The following RNF212 variants were observed in gnomAD, a reference collection of about 807,000 sequenced individuals.
The protein encoded by RNF212 is probable E3 SUMO-protein ligase RNF212.
Under a neutral mutation model 34.7 loss-of-function variants are expected in RNF212, and 33 were observed. The ratio of observed to expected loss-of-function variants is 0.95; its 90% CI spans 0.72 to 1.27. The LOEUF (loss-of-function observed/expected upper bound fraction) is 1.27. Among genes scored for constraint, RNF212 ranks in the 50% most tolerant of loss-of-function variants. The pLI is 0.00. For missense variants in RNF212, 377 were observed against 362.2 expected (o/e 1.04, Z -0.33); for synonymous variants, 140 against 136.1 (o/e 1.03, Z -0.20).
At chr4:1,077,185 G>A (rs564994223) in intron 8 of RNF212, among the ~76,000 whole-genome samples, 63 of 152,178 alleles carry the variant, frequency 4.1e-4, no homozygotes, top group African/African-American at 1.3e-3. Flanking sequence ...CCGAGATCTC[G>A]CCACTGCACT....
intron 2 of RNF212, chr4:1,101,638 C>T (rs1724003851): frequency 1.5e-5 from 3 of 202,268 alleles, no homozygotes; most frequent in African/African-American, 7.1e-5. Context: ...TCATCTGCTA[C>T]ATCGTCATCT....
At chr4:1,073,396 T>C (rs968061026) in intron 9 of RNF212, among the ~76,000 whole-genome samples, 3 of 152,116 alleles carry the variant, frequency 2.0e-5, no homozygotes, top group Admixed American at 6.5e-5. Context: ...CTCCTGTGAC[T>C]TGTTACACGG....
At chr4:1,059,302 C>G (rs1440928074) in intron 3 of RNF212, among the ~76,000 whole-genome samples, 1 of 152,344 alleles carries the variant, frequency 6.6e-6, no homozygotes, top group East Asian at 1.9e-4. Context: ...CTGCAGGTGA[C>G]CCTGAGAAGG....
intron 3 of RNF212, among the ~76,000 whole-genome samples, chr4:1,092,388 A>G (rs1457117690): frequency 3.9e-5 from 6 of 152,072 alleles, no homozygotes; most frequent in African/African-American, 1.4e-4. Flanking sequence ...GGAGCCTCAC[A>G]TGAGCTTGGG....
downstream of RNF212, among the ~76,000 whole-genome samples, chr4:1,067,837 C>CG (rs1430114401): frequency 6.9e-6 from 1 of 145,768 alleles, no homozygotes; most frequent in East Asian, 2.0e-4. Flanking sequence ...CACTGCACTC[C>CG]AGCCTGGGCG....
intron 2 of RNF212, among the ~76,000 whole-genome samples, chr4:1,104,758 C>G (rs529106355): frequency 2.0e-5 from 3 of 152,156 alleles, no homozygotes; most frequent in African/African-American, 7.2e-5. Flanking sequence ...CCCCTTCCCT[C>G]GGGTCCCGAT....
In RNF212 at chr4:1,097,663, T is replaced by A. The variant is rs149936894; in HGVS notation, c.172-824A>T. Among the ~76,000 whole-genome samples the A allele has an allele frequency of 1.8e-3, 270 of 152,152 alleles. 7 individuals are homozygous for A. In the South Asian group the frequency reaches 0.049, roughly 27 times the overall value. On this transcript the variant is annotated intron_variant, in intron 2 of 9. Transcript: ENST00000433731. ...ACAAGTGCCTTCAGGATGCCCTGCC[T>A]CACCTCCCTGCACCTCTGGCCTTCC...
At chr4:1,112,079 A>T (rs1725763678) in intron 1 of RNF212, among the ~76,000 whole-genome samples, 1 of 152,224 alleles carries the variant, frequency 6.6e-6, no homozygotes, top group Non-Finnish European at 1.5e-5. Flanking sequence ...GTGGCTGCAC[A>T]TGCCTGTAGC....
intron 3 of RNF212, among the ~76,000 whole-genome samples, chr4:1,064,051 A>C (rs1717928130): frequency 6.6e-6 from 1 of 152,318 alleles, no homozygotes; most frequent in African/African-American, 2.4e-5. Flanking sequence ...ACTGACTTCT[A>C]GCCAATCTTC....
chr4:1,069,585 C>G (rs1200047439), downstream of RNF212, among the ~76,000 whole-genome samples: 1 of 152,152 alleles, frequency 6.6e-6, no homozygotes, highest in African/African-American at 2.4e-5. Context: ...ATCACGTGAC[C>G]AAAGTGAAGA....
Position 1,072,928 on chromosome 4 carries a change from G to C in RNF212, c.840C>G (p.Pro280=). 6.2e-7 allele frequency: 1 copy of C among 1,613,750 alleles called. No individual in the cohort carries two copies. The highest frequency in any genetic ancestry group is 8.5e-7 in the Non-Finnish European group (1 of 1,179,736). ...AAAGAGGAAACACAACAGACACAGC[G>C]GGTGTTCTGAACGTGTCCAGGGTGC... ...AEGTLDTFRT[P]AVSVVFPLCQ... The change falls in exon 10 of 10, where the codon CCC becomes CCG. Residue 280 remains proline, a synonymous_variant. Transcript: ENST00000433731.
chr4:1,109,010 C>CTTTT lies in RNF212; in HGVS notation c.110-610_110-607dup, dbSNP rs71168810. ...GCCACTGTGCCTGGCCATAATTAGC[C>CTTTT]TTTTTTTTTTTTTTTGAGACAGAGT... is the stretch of plus-strand genomic sequence containing the variant. On this transcript the variant is annotated intron_variant, in intron 1 of 9. Coordinates refer to ENST00000433731, the MANE Select transcript of RNF212 (RefSeq NM_001131034.4). 2.5e-3 allele frequency among the ~76,000 whole-genome samples: 337 copies of CTTTT among 135,814 alleles called. 2 individuals are homozygous for CTTTT. Among genetic ancestry groups the CTTTT allele is most frequent in the African/African-American group, 4.0e-3 (148 of 36,728 alleles). 89.1% of individuals were successfully genotyped at this position (135,814 alleles called of 152,430 possible). A position where few individuals can be genotyped will look rare whatever the true frequency, so the allele number is the denominator to read the frequency against.
intron 5 of RNF212, among the ~76,000 whole-genome samples, chr4:1,084,387 T>C (rs1275578487): frequency 6.6e-6 from 1 of 152,152 alleles, no homozygotes; most frequent in Non-Finnish European, 1.5e-5. Flanking sequence ...GCAATGCGTT[T>C]ACAATCTTCT....
chr4:1,099,740 G>C, intron 2 of RNF212: 1 of 456,240 alleles, frequency 2.2e-6, no homozygotes, highest in Non-Finnish European at 4.4e-6. Flanking sequence ...CCTTTGCTGC[G>C]TCTGACGTCA....
At chr4:1,093,664 G>A in intron 3 of RNF212, 2 of 1,536,030 alleles carry the variant, frequency 1.3e-6, no homozygotes, top group Non-Finnish European at 8.7e-7. Context: ...GCAGCACTTG[G>A]CAAAACCACC....
At chr4:1,113,334 C>A (rs1577866902) in intron 1 of RNF212, 22 bp downstream of exon 1, 4 of 1,534,390 alleles carry the variant, frequency 2.6e-6, no homozygotes, top group Admixed American at 1.9e-5. Context: ...CCCTCTCCAG[C>A]CTGCGTTCGG....
At chr4:1,106,249 TACACACACACACAC>T (rs35166968) in intron 2 of RNF212, among the ~76,000 whole-genome samples, 7,448 of 146,046 alleles carry the variant, frequency 0.051, 543 homozygotes, top group African/African-American at 0.16. Context: ...CAATTTTACT[TACACACACACACAC>T]ACACACACAC....
chr4:1,107,552 G>A (rs997918554), intron 2 of RNF212, among the ~76,000 whole-genome samples: 26 of 148,474 alleles, frequency 1.8e-4, no homozygotes, highest in South Asian at 4.3e-4. Context: ...CCGGGTTCAC[G>A]CATTCTCCTG....
In RNF212 at chr4:1,108,371, G is replaced by A. The variant is rs777215071; in HGVS notation, c.143C>T (p.Pro48Leu). The A allele has an allele frequency of 6.6e-7, 1 of 1,507,282 alleles. No individual in the cohort carries two copies. Among genetic ancestry groups the A allele is most frequent in the Admixed American group, 2.7e-5 (1 of 36,940 alleles). The allele number at this position is 1,507,282 out of a possible 1,614,324, so 93.4% of individuals were successfully genotyped here. A position where few individuals can be genotyped will look rare whatever the true frequency, so the allele number is the denominator to read the frequency against. Residue 48 changes from proline (P) to leucine (L), a missense_variant, in exon 2 of 10, where the codon CCT (proline) becomes CTT (leucine). By Grantham distance (98) the Pro-to-Leu change is moderately conservative (BLOSUM62 -3). Transcript: ENST00000433731. ...CTTTGAAAGCAAAACTGTACGACAA[G>A]GAGCTTTACAAATCAAGCATTCATT... ...KKNECLICKA[P>L]CRTVLLSKHT...
Sources: gnomAD v4.1 joint callset for allele counts (sites outside exome capture counted in the v4.1 genomes callset) on GRCh38, gnomAD v4.1.1 for gene constraint, MANE v1.5 for transcripts, NCBI Gene and HGNC (gene_info 2026-07-23, HGNC 2026-07-21) for gene names.